The following N4BP2 variants were observed in gnomAD, a reference collection of about 807,000 sequenced individuals.
N4BP2 encodes NEDD4-binding protein 2.
N4BP2 carries 91 observed loss-of-function variants against 152.8 expected under a neutral mutation model. The observed-to-expected ratio is 0.60, with a 90% CI of 0.50 to 0.71. The LOEUF is 0.71. Ranked by LOEUF, N4BP2 falls within the 30% of genes least tolerant of loss-of-function variation. The pLI is 0.00. For missense variants in N4BP2, 1,923 were observed against 2,059.1 expected (o/e 0.93, Z 1.28); for synonymous variants, 646 against 705.3 (o/e 0.92, Z 1.33).
chr4:40,148,863 A>G (rs921326987), intron 16 of N4BP2, among the ~76,000 whole-genome samples: 4 of 152,228 alleles, frequency 2.6e-5, no homozygotes, highest in South Asian at 2.1e-4. Flanking sequence ...TTTTTTATCA[A>G]TTTATCCATC....
rs776979917 is a variant in N4BP2, at chr4:40,123,147, T to G, written c.4219T>G (p.Cys1407Gly). 9 of 1,610,688 alleles carry G rather than the reference T, an allele frequency of 5.6e-6. No homozygotes were observed. Among genetic ancestry groups the G allele is most frequent in the Non-Finnish European group, 7.6e-6 (9 of 1,177,510 alleles). ...IDSGSLTVED[C>G]VVHIDLNLAK... ...ACAAGGGTCTCTAACAGTTGAAGATTGTGTGGTTCATATAGATCTGAATCT... is the reference window on the plus strand; with the variant it reads ...ACAAGGGTCTCTAACAGTTGAAGATGGTGTGGTTCATATAGATCTGAATCT... The change falls in exon 10 of 18, where the codon TGT becomes GGT. Residue 1407 changes from cysteine (C) to glycine (G), a missense_variant. Cys to Gly is a radical substitution (Grantham distance 159). Transcript: ENST00000261435.
At chr4:40,146,423 T>G (rs1048694180) in intron 16 of N4BP2, among the ~76,000 whole-genome samples, 1 of 152,196 alleles carries the variant, frequency 6.6e-6, no homozygotes, top group African/African-American at 2.4e-5. Context: ...AATTGGTTAT[T>G]AAATACCTGT....
rs1434868603 is a variant in N4BP2 at position 40,121,517 on chromosome 4, A to G, written c.3406A>G (p.Thr1136Ala). 6.2e-7 allele frequency: 1 copy of G among 1,614,208 alleles called. No individual in the cohort carries two copies. Among genetic ancestry groups the G allele is most frequent in the Non-Finnish European group, 8.5e-7 (1 of 1,180,020 alleles). The change falls in exon 9 of 18, where the codon ACA becomes GCA. Residue 1136 changes from threonine to alanine, a missense_variant. Coordinates refer to ENST00000261435, the MANE Select transcript of N4BP2 (RefSeq NM_018177.6). ...LDSETKLCED[T>A]EFENFQKSCD... ...TTCTGAAACTAAGTTATGTGAGGAT[A>G]CAGAGTTTGAGAATTTCCAAAAATC...
At chr4:40,143,619 T>C (rs1397683961) in intron 15 of N4BP2, among the ~76,000 whole-genome samples, 3 of 152,168 alleles carry the variant, frequency 2.0e-5, no homozygotes, top group Non-Finnish European at 2.9e-5. Context: ...GCTTAACTTT[T>C]TATGTTTGTG....
At chr4:40,109,570 T>G (rs1167973177) in intron 5 of N4BP2, among the ~76,000 whole-genome samples, 1 of 151,956 alleles carries the variant, frequency 6.6e-6, no homozygotes, top group Non-Finnish European at 1.5e-5. Flanking sequence ...ATACAAAAAT[T>G]AACCGGGCAT....
At chr4:40,164,757 G>A in the N4BP2 span, among the ~76,000 whole-genome samples, 1 of 152,190 alleles carries the variant, frequency 6.6e-6, no homozygotes, top group East Asian at 1.9e-4. Flanking sequence ...TCACTGTTTT[G>A]TTTGAAGTTG....
rs754438067 is a variant in N4BP2 at position 40,104,260 on chromosome 4, CT to C, written c.1373+1057del. ...AGCCACCGCGCCTGGCTTGCTAGTT[CT>C]TTTTTTTTTTTTTTCCTTTTTCCAA... On this transcript the variant is annotated intron_variant, in intron 4 of 17. Transcript: ENST00000261435. 8.4e-3 allele frequency among the ~76,000 whole-genome samples: 1,150 copies of C among 137,202 alleles called. 10 individuals are homozygous for C. Among genetic ancestry groups the C allele is most frequent in the African/African-American group, 0.022 (815 of 37,738 alleles). 90.0% of individuals were successfully genotyped at this position (137,202 alleles called of 152,430 possible).
rs186139158 is a variant in N4BP2 at position 40,120,375 on chromosome 4, T to C, written c.2264T>C (p.Ile755Thr). ...LQNEKSSPGE[I>T]VEERATVTKK... is the part of the protein sequence containing the mutation. ...AATGAAAAATCCTCACCTGGTGAAATAGTGGAAGAAAGAGCAACAGTAACG... is the reference window on the plus strand; with the variant it reads ...AATGAAAAATCCTCACCTGGTGAAACAGTGGAAGAAAGAGCAACAGTAACG... Residue 755 changes from isoleucine to threonine, a missense_variant, in exon 9 of 18, where the codon ATA (isoleucine) becomes ACA (threonine). Transcript: ENST00000261435. 1 of 1,613,256 alleles carries C rather than the reference T, an allele frequency of 6.2e-7. No homozygotes were observed. Among genetic ancestry groups the C allele is most frequent in the African/African-American group, 1.3e-5 (1 of 74,776 alleles).
the N4BP2 span, among the ~76,000 whole-genome samples, chr4:40,178,820 G>C: frequency 0.19 from 29,369 of 152,150 alleles, 3,666 homozygotes; most frequent in Admixed American, 0.31. Flanking sequence ...AGCTGCTGTC[G>C]GAGAGCTCTG....
chr4:40,157,607 C>T lies in N4BP2; in HGVS notation c.*3370C>T, dbSNP rs1018344833. 6.6e-6 allele frequency: 1 copy of T among 152,044 alleles called. No homozygotes were observed. The highest frequency in any genetic ancestry group is 2.4e-5 in the African/African-American group (1 of 41,426). The allele number at this position is 152,044 out of a possible 1,614,324, so 9.4% of individuals were successfully genotyped here. On this transcript the variant is annotated 3_prime_UTR_variant, in exon 18 of 18. Transcript: ENST00000261435. ...AAATGTATAAAAAAGACAAAAATAA[C>T]GTGTGCTGTTTTTTCCAAGTGCTTT...
chr4:40,113,429 T>TA lies in N4BP2; in HGVS notation c.1588-2dup, dbSNP rs745718400. 21 of 1,599,142 alleles carry TA rather than the reference T, an allele frequency of 1.3e-5. No homozygotes were observed. The highest frequency in any genetic ancestry group is 2.7e-5 in the African/African-American group (2 of 74,586). On this transcript the variant is annotated splice_region_variant and splice_polypyrimidine_tract_variant and intron_variant, in intron 6 of 17. Transcript: ENST00000261435. ...AAAATGTTTTTGTCTTTGTTGTATG[T>TA]AGTCTCAGAAACACAAATATAAAGT...
At chr4:40,138,399 T>C (rs1172068706) in intron 14 of N4BP2, among the ~76,000 whole-genome samples, 1 of 152,236 alleles carries the variant, frequency 6.6e-6, no homozygotes, top group Non-Finnish European at 1.5e-5. Flanking sequence ...ACTCTGTTGT[T>C]TCTGTTGTGA....
At chr4:40,126,541 C>A (rs967507690) in intron 12 of N4BP2, among the ~76,000 whole-genome samples, 1 of 152,118 alleles carries the variant, frequency 6.6e-6, no homozygotes, top group Non-Finnish European at 1.5e-5. Flanking sequence ...ATAAGCCATC[C>A]ATGTTAAGTT....
intron 2 of N4BP2, among the ~76,000 whole-genome samples, chr4:40,074,672 G>GTT: frequency 6.6e-6 from 1 of 152,290 alleles, no homozygotes; most frequent in East Asian, 1.9e-4. Context: ...TGTGGTGTTA[G>GTT]TTTTTCTATT....
chr4:40,185,998 T>G, the N4BP2 span, among the ~76,000 whole-genome samples: 3 of 152,194 alleles, frequency 2.0e-5, no homozygotes, highest in African/African-American at 7.2e-5. Context: ...TTTTTATTTT[T>G]GAGTACTCCT....
chr4:40,069,409 T>G (rs1247817896), intron 1 of N4BP2, among the ~76,000 whole-genome samples: 1 of 152,018 alleles, frequency 6.6e-6, no homozygotes, highest in Non-Finnish European at 1.5e-5. Context: ...AGTGAGACTG[T>G]TTTAAAAAAA....
intron 2 of N4BP2, among the ~76,000 whole-genome samples, chr4:40,084,802 A>G (rs1379275217): frequency 2.0e-5 from 3 of 150,312 alleles, no homozygotes; most frequent in African/African-American, 7.4e-5. Flanking sequence ...TTTGGTAGAG[A>G]CAGGGTTTCT....
chr4:40,189,102 C>T, the N4BP2 span, among the ~76,000 whole-genome samples: 89 of 152,054 alleles, frequency 5.9e-4, 2 homozygotes, highest in South Asian at 0.017. The surrounding 1 kb of genome is among the most constrained non-coding windows in gnomAD (Gnocchi z 4.3). Context: ...GCCACGATTG[C>T]GCCACTGCAC....
At chr4:40,109,422 A>G (rs151328250) in intron 5 of N4BP2, among the ~76,000 whole-genome samples, 2 of 152,126 alleles carry the variant, frequency 1.3e-5, no homozygotes, top group Non-Finnish European at 2.9e-5. Flanking sequence ...ATGAAGGTGA[A>G]AAGTGTTAAC....
Sources: allele counts gnomAD v4.1 joint callset (sites outside exome capture counted in the v4.1 genomes callset), GRCh38; gene constraint gnomAD v4.1.1; non-coding constraint Gnocchi (gnomAD v3.1); transcripts MANE v1.5; gene names NCBI Gene and HGNC (gene_info 2026-07-23, HGNC 2026-07-21).